Variants in CDH26 observed in about 807,000 individuals in gnomAD.
The protein encoded by CDH26 is cadherin 26.
CDH26 carries 83 observed loss-of-function variants against 90.3 expected under a neutral mutation model. The ratio of observed to expected loss-of-function variants is 0.92; its 90% confidence interval spans 0.77 to 1.10. CDH26 has a LOEUF of 1.10. CDH26 is among the 50% of genes least tolerant of loss of function. The pLI is 0.00. For missense variants in CDH26, 1,013 were observed against 1,037.6 expected, an observed-to-expected ratio of 0.98 and a Z score of 0.33; for synonymous variants, 397 against 396.3, an observed-to-expected ratio of 1.00 and a Z score of -0.02.
chr20:59,988,862 G>C, intron 8 of CDH26, 42 bp from the exon 9 acceptor site: 1 of 1,602,884 alleles, frequency 6.2e-7, no homozygotes, highest in Non-Finnish European at 8.5e-7. Context: ...TCTGGCCAGA[G>C]GAGCAGCAGG....
At chr20:60,021,897 C>CACACATATATATAT (rs1295572684) in intron 7 of CDH26, among the ~76,000 whole-genome samples, 6 of 78,936 alleles carry the variant, frequency 7.6e-5, no homozygotes, top group Non-Finnish European at 1.5e-4. Context: ...CACACACACA[C>CACACATATATATAT]ATATATATAT....
intron 4 of CDH26, among the ~76,000 whole-genome samples, chr20:59,979,935 G>C (rs2061376170): frequency 6.6e-6 from 1 of 151,946 alleles, no homozygotes; most frequent in South Asian, 2.1e-4. Flanking sequence ...CCCACATATG[G>C]CTTTTATGTG....
intron 17 of CDH26, among the ~76,000 whole-genome samples, chr20:60,009,030 G>A (rs1188039053): frequency 3.3e-5 from 5 of 152,168 alleles, no homozygotes; most frequent in Non-Finnish European, 7.3e-5. Flanking sequence ...TGTCTCTCCC[G>A]AGCCGACTGT....
downstream of CDH26, among the ~76,000 whole-genome samples, chr20:60,018,184 A>G (rs1393333714): frequency 2.6e-5 from 4 of 151,972 alleles, no homozygotes; most frequent in Non-Finnish European, 5.9e-5. Context: ...TAATCTGTCC[A>G]GTGCTGAGAG....
intron 1 of CDH26, among the ~76,000 whole-genome samples, chr20:59,960,743 T>C (rs533569126): frequency 6.6e-6 from 1 of 152,342 alleles, no homozygotes; most frequent in Non-Finnish European, 1.5e-5. Context: ...TCGTTTACCA[T>C]GGCACACATA....
At position 59,992,378 on chromosome 20, in the gene CDH26, A is replaced by C. The variant is rs371555887; in HGVS notation, c.1284A>C (p.Arg428Ser). The change falls in exon 10 of 18, where the codon AGA becomes AGC. Residue 428 changes from arginine (R) to serine (S), a missense_variant and splice_region_variant. Physicochemically the swap from Arg to Ser is moderately radical, Grantham distance 110 (BLOSUM62 -1). Coordinates refer to ENST00000348616, the MANE Select transcript of CDH26 (RefSeq NM_177980.4). This position sits in a 1 kb window ranked among gnomAD's most constrained non-coding sequence, Gnocchi z 5.0. ...TTGCTGTCCGTTTTCCTTCTACAAG[A>C]TATGAACTGGTTCATGACCCAGCAA... Reference protein sequence around the residue: ...FNAMDPDSQIRYELVHDPANW... With the variant: ...FNAMDPDSQISYELVHDPANW... 5.3e-5 allele frequency: 85 copies of C among 1,613,524 alleles called. 1 individual carries two copies. Among genetic ancestry groups the C allele is most frequent in the Middle Eastern group, 3.3e-4 (2 of 6,062 alleles).
chr20:60,011,090 A>T (rs1022463066), intron 17 of CDH26, among the ~76,000 whole-genome samples: 2 of 152,172 alleles, frequency 1.3e-5, no homozygotes, highest in Non-Finnish European at 2.9e-5. Flanking sequence ...TCTCGCCCCA[A>T]TGAGTGGAGA....
intron 1 of CDH26, among the ~76,000 whole-genome samples, chr20:59,967,701 A>G (rs906101238): frequency 1.3e-5 from 2 of 150,226 alleles, no homozygotes; most frequent in Non-Finnish European, 3.0e-5. Flanking sequence ...CTAATCATAC[A>G]TTGCAGGACC....
At chr20:60,018,737 G>A (rs1269989252), downstream of CDH26, among the ~76,000 whole-genome samples, 1 of 25,944 alleles carries the variant, frequency 3.9e-5, no homozygotes, top group African/African-American at 1.4e-4. Flanking sequence ...TTTTTTTTTT[G>A]CAGTTGGGTG....
intron 9 of CDH26, among the ~76,000 whole-genome samples, chr20:59,991,185 G>T (rs2061523192): frequency 6.6e-6 from 1 of 152,126 alleles, no homozygotes; most frequent in Non-Finnish European, 1.5e-5. Flanking sequence ...GCTGGCTGGG[G>T]ATCCCTTTAG....
intron 14 of CDH26, among the ~76,000 whole-genome samples, chr20:60,000,066 T>A (rs1308555580): frequency 2.0e-5 from 3 of 152,178 alleles, no homozygotes; most frequent in African/African-American, 4.8e-5. Flanking sequence ...ATGAAAACAG[T>A]TTTACTTGTA....
At chr20:60,002,510 G>T (rs1219045569) in intron 15 of CDH26, among the ~76,000 whole-genome samples, 1 of 152,048 alleles carries the variant, frequency 6.6e-6, no homozygotes, top group Non-Finnish European at 1.5e-5. Context: ...GCTAGGCCTG[G>T]GTCCTAGGAG....
intron 7 of CDH26, 40 bp downstream of exon 7, chr20:59,985,169 C>T (rs762054945): frequency 1.9e-6 from 3 of 1,610,036 alleles, no homozygotes; most frequent in Non-Finnish European, 2.5e-6. Context: ...AGCCCCAAAA[C>T]AAGTAGCCCT....
chr20:59,974,324 C>T (rs2061301040), intron 4 of CDH26, among the ~76,000 whole-genome samples: 1 of 152,078 alleles, frequency 6.6e-6, no homozygotes, highest in Admixed American at 6.5e-5. Flanking sequence ...ACAGAGTAAA[C>T]AGACAACCTG....
downstream of CDH26, among the ~76,000 whole-genome samples, chr20:60,018,663 T>C (rs912730590): frequency 4.0e-5 from 6 of 149,286 alleles, no homozygotes; most frequent in Non-Finnish European, 8.9e-5. Flanking sequence ...CATGTTGTTA[T>C]TTTGTATATC....
chr20:60,017,217 T>A (rs1268239817), downstream of CDH26, among the ~76,000 whole-genome samples: 1 of 152,092 alleles, frequency 6.6e-6, no homozygotes, highest in Non-Finnish European at 1.5e-5. Context: ...TTGGCAGAAT[T>A]CAGTAGTGAA....
intron 4 of CDH26, among the ~76,000 whole-genome samples, chr20:59,975,822 G>T (rs1485522032): frequency 6.6e-6 from 1 of 152,082 alleles, no homozygotes; most frequent in Non-Finnish European, 1.5e-5. Context: ...CATCCTGATG[G>T]GGTCTCTAAA....
intron 1 of CDH26, among the ~76,000 whole-genome samples, chr20:59,964,446 C>G (rs568547669): frequency 4.1e-5 from 6 of 147,886 alleles, no homozygotes; most frequent in Admixed American, 1.3e-4. Flanking sequence ...CCGCCCCCGA[C>G]CCCAGGCCCA....
downstream of CDH26, among the ~76,000 whole-genome samples, chr20:60,034,967 G>A (rs1006349583): frequency 6.6e-6 from 1 of 152,192 alleles, no homozygotes; most frequent in Non-Finnish European, 1.5e-5. Flanking sequence ...GAGCTCTTTG[G>A]TTCTCCTTCA....
Sources: gnomAD v4.1 joint callset for allele counts (sites outside exome capture counted in the v4.1 genomes callset) on GRCh38, gnomAD v4.1.1 for gene constraint, Gnocchi (gnomAD v3.1) non-coding constraint, MANE v1.5 for transcripts, NCBI Gene and HGNC (gene_info 2026-07-23, HGNC 2026-07-21) for gene names.